The following CACNA1C variants were observed in gnomAD, a reference collection of about 807,000 sequenced individuals.
CACNA1C encodes the protein calcium voltage-gated channel subunit alpha1 C.
Under a neutral mutation model 229.0 loss-of-function variants are expected in CACNA1C, and 30 were observed. The ratio of observed to expected loss-of-function variants is 0.13; its 90% confidence interval spans 0.10 to 0.18. CACNA1C has a LOEUF of 0.18. Ranked by LOEUF, CACNA1C falls within the 10% of genes least tolerant of loss-of-function variation. The pLI, the probability that CACNA1C is intolerant of heterozygous loss-of-function variation, is 1.00. For synonymous variants in CACNA1C, 1,114 were observed against 1,132.5 expected, an observed-to-expected ratio of 0.98 and a Z score of 0.33; for missense variants, 1,658 against 2,845.0, an observed-to-expected ratio of 0.58 and a Z score of 9.49.
intron 1 of CACNA1C, among the ~76,000 whole-genome samples, chr12:2,019,631 AAAAAG>A (rs2046089904): frequency 6.6e-6 from 1 of 151,842 alleles, no homozygotes; most frequent in Non-Finnish European, 1.5e-5. Flanking sequence ...AGAAAGAAAG[AAAAAG>A]AAAATCTAGA....
chr12:2,658,324 A>T (rs1344975210), intron 34 of CACNA1C, among the ~76,000 whole-genome samples: 1 of 152,214 alleles, frequency 6.6e-6, no homozygotes, highest in Non-Finnish European at 1.5e-5. Context: ...CTTCTTAGTA[A>T]CTCAAAGCTG....
In CACNA1C at chr12:2,449,130, CT is replaced by C; in HGVS notation, c.617+16del. On this transcript the variant is annotated intron_variant, in intron 4 of 46. Coordinates refer to ENST00000399655, the MANE Select transcript of CACNA1C (RefSeq NM_000719.7). ...GTGGTTGTGGGGTAAGTATCACTGTCTGTTTCTTTCCCTTTATCTTACCAGT... is the reference window on the plus strand; with the variant it reads ...GTGGTTGTGGGGTAAGTATCACTGTCGTTTCTTTCCCTTTATCTTACCAGT... 6.6e-7 allele frequency: 1 copy of C among 1,515,604 alleles called. No homozygotes were observed. The highest frequency in any genetic ancestry group is 8.9e-7 in the Non-Finnish European group (1 of 1,128,808). 93.9% of individuals were successfully genotyped at this position (1,515,604 alleles called of 1,614,324 possible). A position where few individuals can be genotyped will look rare whatever the true frequency, so the allele number is the denominator to read the frequency against.
rs929318870 is a variant in CACNA1C at position 2,632,766 on chromosome 12, G to A, written c.3829-1531G>A. Among the ~76,000 whole-genome samples the A allele has an allele frequency of 6.6e-6, 1 of 152,110 alleles. No homozygotes were observed. Among genetic ancestry groups the A allele is most frequent in the African/African-American group, 2.4e-5 (1 of 41,408 alleles). On this transcript the variant is annotated intron_variant, in intron 29 of 46. Transcript: ENST00000399655. The surrounding 1 kb of genome is among the most constrained non-coding windows in gnomAD (Gnocchi z 4.1). ...GCTTTGATCACCGCGTGCCCTCTGC[G>A]CGGCGTCTGCATTCAGCAGGACCCT...
At chr12:2,530,610 T>C (rs1438240089) in intron 9 of CACNA1C, among the ~76,000 whole-genome samples, 2 of 152,122 alleles carry the variant, frequency 1.3e-5, no homozygotes, top group Non-Finnish European at 2.9e-5. Flanking sequence ...CAGAACACAA[T>C]CTCTGGCAGG....
intron 3 of CACNA1C, among the ~76,000 whole-genome samples, chr12:2,317,090 A>G (rs567256960): frequency 4.6e-5 from 7 of 152,344 alleles, no homozygotes; most frequent in African/African-American, 1.7e-4. Flanking sequence ...TCATTTAGAA[A>G]AATGGTGTGG....
intron 5 of CACNA1C, among the ~76,000 whole-genome samples, chr12:2,458,646 G>T (rs953762567): frequency 2.0e-5 from 3 of 152,214 alleles, no homozygotes; most frequent in Non-Finnish European, 4.4e-5. Flanking sequence ...TTTGGAGATG[G>T]TGTAAGGGAC....
Position 2,053,724 on chromosome 12 carries a change from C to A in CACNA1C, c.49+113C>A. On this transcript the variant is annotated intron_variant, in intron 1 of 46. Coordinates refer to ENST00000399655, the MANE Select transcript of CACNA1C (RefSeq NM_000719.7). The surrounding 1 kb of genome is among the most constrained non-coding windows in gnomAD (Gnocchi z 5.8). ...CGGTCCCTGCGGAGTGGCCCGGGGC[C>A]GCGTCCGCGAGGGGCGCCTCCGCCT... The A allele has an allele frequency of 9.4e-7, 1 of 1,058,652 alleles. No homozygotes were observed. Among genetic ancestry groups the A allele is most frequent in the African/African-American group, 1.7e-5 (1 of 59,312 alleles). The allele number at this position is 1,058,652 out of a possible 1,614,324, so 65.6% of individuals were successfully genotyped here.
chr12:2,120,213 A>G (rs1360093799), intron 2 of CACNA1C, 112 bp from the exon 3 acceptor site: 2 of 732,434 alleles, frequency 2.7e-6, no homozygotes, highest in Non-Finnish European at 4.9e-6. Context: ...CTTGGAATGC[A>G]TTGTTTAAAC....
At chr12:1,980,933 TGAA>T (rs1026314772) in intron 1 of CACNA1C, among the ~76,000 whole-genome samples, 9 of 151,720 alleles carry the variant, frequency 5.9e-5, no homozygotes, top group African/African-American at 2.2e-4. Flanking sequence ...TAAAACAAGT[TGAA>T]GGAGACATCC....
chr12:2,336,444 T>C (rs1425822245), intron 3 of CACNA1C, among the ~76,000 whole-genome samples: 2 of 129,320 alleles, frequency 1.5e-5, no homozygotes, highest in Non-Finnish European at 3.7e-5. Context: ...ATTCCTATTT[T>C]TAGCAACTCT....
chr12:2,255,655 ATTTCC>A (rs1383856455), intron 3 of CACNA1C, among the ~76,000 whole-genome samples: 3 of 152,236 alleles, frequency 2.0e-5, no homozygotes, highest in Non-Finnish European at 4.4e-5. Flanking sequence ...CACCTGGTTC[ATTTCC>A]TTTCTGGAAG....
intron 9 of CACNA1C, among the ~76,000 whole-genome samples, chr12:2,524,211 A>G (rs1297928292): frequency 6.6e-6 from 1 of 152,228 alleles, no homozygotes; most frequent in African/African-American, 2.4e-5. Context: ...AGCCACATGC[A>G]TGCCAGGCCA....
At chr12:2,156,398 C>T (rs528966620) in intron 3 of CACNA1C, among the ~76,000 whole-genome samples, 15 of 152,322 alleles carry the variant, frequency 9.8e-5, no homozygotes, top group Admixed American at 8.5e-4. Flanking sequence ...ACCACACTAA[C>T]ATGATGGTAA....
chr12:2,043,679 C>T (rs1365330263), intron 1 of CACNA1C, among the ~76,000 whole-genome samples: 34 of 129,592 alleles, frequency 2.6e-4, no homozygotes, highest in African/African-American at 8.1e-4. Context: ...GACAGAGTCT[C>T]GCTCTGTCGC....
In CACNA1C at chr12:2,494,888, T is replaced by G. The variant is rs1259497177; in HGVS notation, c.1113+1502T>G. On this transcript the variant is annotated intron_variant, in intron 7 of 46. Transcript: ENST00000399655. The stretch of plus-strand genomic sequence containing the variant: ...GAGGACCTTGTACCCAGCAAACATT[T>G]CCTGAGTGTCCTTGCCTGCCAGGGG... Among the ~76,000 whole-genome samples, 20 of 152,320 alleles carry G rather than the reference T, an allele frequency of 1.3e-4. No individual in the cohort carries two copies. In the South Asian group the frequency reaches 4.1e-3, roughly 32 times the overall value.
chr12:2,040,481 T>C (rs531906787), intron 1 of CACNA1C, among the ~76,000 whole-genome samples: 2 of 152,284 alleles, frequency 1.3e-5, no homozygotes, highest in South Asian at 2.1e-4. Flanking sequence ...TTATAAGAAA[T>C]GTGAGAGAAT....
At chr12:2,102,021 C>T (rs992191857) in intron 1 of CACNA1C, among the ~76,000 whole-genome samples, 1 of 152,202 alleles carries the variant, frequency 6.6e-6, no homozygotes, top group African/African-American at 2.4e-5. Context: ...GTAGTGTGCA[C>T]ATACCACACT....
intron 13 of CACNA1C, among the ~76,000 whole-genome samples, chr12:2,577,434 C>CCT (rs147626034): frequency 0.065 from 9,878 of 152,266 alleles, 356 homozygotes; most frequent in African/African-American, 0.081. Context: ...CCACAGAAAC[C>CCT]GTTTTCTGTA....
Position 2,582,865 on chromosome 12 carries a change from T to G in CACNA1C, c.2147T>G (p.Ile716Ser). ...EDWNSVMYDG[I>S]MAYGGPSFPG... is the part of the protein sequence containing the mutation. The stretch of plus-strand genomic sequence containing the variant: ...TGGAATTCGGTGATGTATGATGGGA[T>G]CATGGCTTATGGCGGCCCCTCTTTT... The change falls in exon 15 of 47, where the codon ATC (isoleucine) becomes AGC (serine). Residue 716 changes from isoleucine to serine, a missense_variant. Ile to Ser is a moderately radical substitution (Grantham distance 142, BLOSUM62 -2). Transcript: ENST00000399655. 6.2e-7 allele frequency: 1 copy of G among 1,612,572 alleles called. No individual in the cohort carries two copies. Among genetic ancestry groups the G allele is most frequent in the Non-Finnish European group, 8.5e-7 (1 of 1,179,128 alleles).
Sources: allele counts gnomAD v4.1 joint callset (sites outside exome capture counted in the v4.1 genomes callset), GRCh38; gene constraint gnomAD v4.1.1; non-coding constraint Gnocchi (gnomAD v3.1); transcripts MANE v1.5; gene names NCBI Gene and HGNC (gene_info 2026-07-23, HGNC 2026-07-21).